CEP85L: variants seen among roughly 807,000 people sequenced by gnomAD.
The protein encoded by CEP85L is centrosomal protein of 85 kDa-like.
CEP85L carries 60 observed loss-of-function variants against 100.3 expected under a neutral mutation model. That is an observed-to-expected ratio of 0.60 (90% CI 0.49 to 0.74). CEP85L has a LOEUF of 0.74. CEP85L is among the 30% of genes least tolerant of loss of function. The pLI, the probability that CEP85L is intolerant of heterozygous loss-of-function variation, is 0.00. For missense variants in CEP85L, 973 were observed against 936.2 expected (o/e 1.04, Z -0.51); for synonymous variants, 319 against 322.7 (o/e 0.99, Z 0.12).
intron 1 of CEP85L, among the ~76,000 whole-genome samples, chr6:118,706,278 G>T (rs1469919749): frequency 6.6e-6 from 1 of 152,226 alleles, no homozygotes; most frequent in Non-Finnish European, 1.5e-5. Flanking sequence ...TGCCAGAAAT[G>T]AAGCTGATGC....
At chr6:118,663,411 T>G (rs1158520214) in intron 1 of CEP85L, among the ~76,000 whole-genome samples, 27 of 152,230 alleles carry the variant, frequency 1.8e-4, no homozygotes, top group Non-Finnish European at 1.5e-5. Context: ...TAGTCAATAT[T>G]TTGCAGCCTT....
At chr6:118,558,579 TCAA>T (rs1341421143) in intron 3 of CEP85L, among the ~76,000 whole-genome samples, 1 of 134,896 alleles carries the variant, frequency 7.4e-6, no homozygotes, top group Non-Finnish European at 1.6e-5. Flanking sequence ...GTGTGCCCCA[TCAA>T]AAAAGGAGAG....
chr6:118,672,381 T>A (rs568693778), intron 1 of CEP85L, among the ~76,000 whole-genome samples: 2 of 152,322 alleles, frequency 1.3e-5, no homozygotes, highest in South Asian at 4.1e-4. Flanking sequence ...TTAATTTTTT[T>A]TAATATTTGT....
intron 1 of CEP85L, among the ~76,000 whole-genome samples, chr6:118,642,162 T>C (rs928120336): frequency 2.0e-5 from 3 of 152,206 alleles, no homozygotes; most frequent in African/African-American, 7.2e-5. Context: ...AAATATTGCA[T>C]ACATAAAATA....
intron 1 of CEP85L, 52 bp from the exon 2 acceptor site, chr6:118,632,663 ATT>A: frequency 3.6e-6 from 5 of 1,404,366 alleles, no homozygotes; most frequent in South Asian, 2.9e-5. Context: ...TAGGCAGAAG[ATT>A]TTTTTTTTAC....
intron 1 of CEP85L, among the ~76,000 whole-genome samples, chr6:118,697,670 G>A (rs575393132): frequency 3.3e-5 from 5 of 152,252 alleles, no homozygotes; most frequent in South Asian, 2.1e-4. Context: ...GAGAGGTGGC[G>A]GTGTGGCATG....
rs144582361 is a variant in CEP85L at position 118,705,480 on chromosome 6, C to T, written c.-28+4556G>A. Among the ~76,000 whole-genome samples the T allele has an allele frequency of 3.5e-4, 53 of 152,248 alleles. 1 individual carries two copies. The East Asian group carries it at 8.9e-3, about 26-fold the overall frequency. ...CTCATTGAAGGGTGTTTGCCTTGAC[C>T]CCGGAACCAAATCCAGCCCTCCCTA... On this transcript the variant is annotated intron_variant, in intron 1 of 13. Transcript: ENST00000368488.
chr6:118,498,417 TCAAA>T (rs1562201162), intron 5 of CEP85L, among the ~76,000 whole-genome samples: 2 of 151,788 alleles, frequency 1.3e-5, no homozygotes, highest in Non-Finnish European at 1.5e-5. Flanking sequence ...TCAAAATACA[TCAAA>T]CAAAAACTGA....
At chr6:118,641,577 T>C (rs6906287) in intron 1 of CEP85L, among the ~76,000 whole-genome samples, 55,333 of 152,002 alleles carry the variant, frequency 0.36, 10,864 homozygotes, top group Non-Finnish European at 0.46. Flanking sequence ...ACATCCTCCT[T>C]TGTTCATTTG....
At chr6:118,551,278 T>TA (rs1277427001) in intron 3 of CEP85L, among the ~76,000 whole-genome samples, 1 of 151,806 alleles carries the variant, frequency 6.6e-6, no homozygotes, top group Non-Finnish European at 1.5e-5. Context: ...TGAGGACCTC[T>TA]AGTGCCTTTG....
chr6:118,468,901 C>T (rs930055710), intron 12 of CEP85L, among the ~76,000 whole-genome samples, 171 bp downstream of exon 12: 7 of 152,156 alleles, frequency 4.6e-5, no homozygotes, highest in Admixed American at 3.9e-4. Flanking sequence ...AGCTATAACC[C>T]TACTCACTTC....
chr6:118,559,007 A>C, intron 3 of CEP85L: 1 of 1,610,180 alleles, frequency 6.2e-7, no homozygotes, highest in Non-Finnish European at 8.5e-7. Context: ...CAAAAGCTAC[A>C]GAATCTATTT....
intron 3 of CEP85L, among the ~76,000 whole-genome samples, chr6:118,530,950 T>A (rs998800137): frequency 5.9e-5 from 9 of 152,010 alleles, no homozygotes; most frequent in African/African-American, 1.9e-4. Flanking sequence ...ATTTACAGAT[T>A]CAATGTTATT....
intron 1 of CEP85L, among the ~76,000 whole-genome samples, chr6:118,671,663 C>G (rs1336545132): frequency 6.6e-6 from 1 of 152,138 alleles, no homozygotes; most frequent in Non-Finnish European, 1.5e-5. Context: ...ACAAGCTGGG[C>G]ATGGTGGTTC....
chr6:118,635,399 T>C (rs554511972), intron 1 of CEP85L, among the ~76,000 whole-genome samples: 11 of 152,288 alleles, frequency 7.2e-5, no homozygotes, highest in African/African-American at 2.6e-4. Context: ...TACATTTACA[T>C]ACATGGAAGA....
intron 6 of CEP85L, among the ~76,000 whole-genome samples, chr6:118,485,139 AT>A (rs1425997157): frequency 6.6e-6 from 1 of 152,120 alleles, no homozygotes; most frequent in Non-Finnish European, 1.5e-5. Flanking sequence ...TCATCTATAA[AT>A]TTCATATCTC....
At chr6:118,663,294 A>G (rs1242619989) in intron 1 of CEP85L, among the ~76,000 whole-genome samples, 2 of 152,230 alleles carry the variant, frequency 1.3e-5, no homozygotes, top group East Asian at 3.8e-4. Flanking sequence ...ACATGTGCAT[A>G]CAGAAACATA....
intron 5 of CEP85L, among the ~76,000 whole-genome samples, chr6:118,492,534 C>G (rs1774644432): frequency 6.6e-6 from 1 of 152,120 alleles, no homozygotes; most frequent in Non-Finnish European, 1.5e-5. Flanking sequence ...GATATTCCCT[C>G]TCCCCCATGT....
At chr6:118,505,853 C>T (rs577487444) in intron 5 of CEP85L, among the ~76,000 whole-genome samples, 1 of 152,276 alleles carries the variant, frequency 6.6e-6, no homozygotes, top group South Asian at 2.1e-4. Flanking sequence ...GATTGCACAA[C>T]ACCAGGAGTG....
Sources: gnomAD v4.1 joint callset for allele counts (sites outside exome capture counted in the v4.1 genomes callset) on GRCh38, gnomAD v4.1.1 for gene constraint, MANE v1.5 for transcripts, NCBI Gene and HGNC (gene_info 2026-07-23, HGNC 2026-07-21) for gene names.